Variants in DYNC1I1 observed in about 807,000 individuals in gnomAD.
DYNC1I1 encodes the protein cytoplasmic dynein 1 intermediate chain 1.
In DYNC1I1, 43 loss-of-function variants were observed where a neutral mutation model predicts 86.6. That is an observed-to-expected ratio of 0.50 (90% confidence interval 0.39 to 0.64). The LOEUF (loss-of-function observed/expected upper bound fraction) is 0.64, where lower values mean the gene tolerates loss of function less well. Ranked by LOEUF, DYNC1I1 falls within the 30% of genes least tolerant of loss-of-function variation. DYNC1I1 has a pLI of 0.00. For missense variants in DYNC1I1, 604 were observed against 788.8 expected, an observed-to-expected ratio of 0.77 and a Z score of 2.81; for synonymous variants, 262 against 283.7, an observed-to-expected ratio of 0.92 and a Z score of 0.77.
At chr7:96,080,583 G>A in intron 16 of DYNC1I1, 95 bp downstream of exon 16, 2 of 1,602,402 alleles carry the variant, frequency 1.2e-6, no homozygotes, top group South Asian at 2.2e-5. Context: ...AGGCCACAAG[G>A]ACCCTCTCTA....
At chr7:96,101,434 G>A (rs1162278124), downstream of DYNC1I1, among the ~76,000 whole-genome samples, 1 of 152,124 alleles carries the variant, frequency 6.6e-6, no homozygotes, top group African/African-American at 2.4e-5. Flanking sequence ...CACCAGGAGG[G>A]AGGACACCAC....
chr7:95,847,553 G>C (rs961235311), intron 5 of DYNC1I1, among the ~76,000 whole-genome samples: 5 of 151,974 alleles, frequency 3.3e-5, no homozygotes, highest in African/African-American at 1.2e-4. Flanking sequence ...ATGTTGTCTT[G>C]CAGCTGTCAA....
chr7:95,884,601 A>G (rs1790542140), intron 6 of DYNC1I1, among the ~76,000 whole-genome samples: 1 of 152,092 alleles, frequency 6.6e-6, no homozygotes, highest in Admixed American at 6.5e-5. Flanking sequence ...GAAATGAACT[A>G]CAGGCATGAA....
rs1281003351 is a variant in DYNC1I1, at chr7:96,076,065, G to A, written c.1518G>A (p.Lys506=). The part of the protein sequence containing the change: ...TVKLWTTKHN[K]PLYSFEDNAD... The stretch of plus-strand genomic sequence containing the variant: ...GTCTCTCTGCTTTACAGCACAACAA[G>A]CCGCTCTACTCCTTTGAAGACAATG... The change falls in exon 15 of 17, where the codon AAG becomes AAA. Residue 506 remains lysine (K), a synonymous_variant. Coordinates refer to ENST00000447467, the MANE Select transcript of DYNC1I1 (RefSeq NM_001135556.2). 18 of 1,613,604 alleles carry A rather than the reference G, an allele frequency of 1.1e-5. No homozygotes were observed. The highest frequency in any genetic ancestry group is 6.7e-5 in the East Asian group (3 of 44,862).
chr7:95,830,271 T>C (rs192016762), intron 5 of DYNC1I1, among the ~76,000 whole-genome samples: 12 of 152,264 alleles, frequency 7.9e-5, no homozygotes, highest in Admixed American at 3.3e-4. Context: ...TTTTGACATG[T>C]ATGCACATCC....
intron 6 of DYNC1I1, among the ~76,000 whole-genome samples, chr7:95,899,941 C>T (rs1790992734): frequency 6.6e-6 from 1 of 152,186 alleles, no homozygotes; most frequent in Non-Finnish European, 1.5e-5. Flanking sequence ...GAGCAGCTTG[C>T]AGAAATAGTG....
At chr7:96,074,482 C>A (rs1198981865) in intron 14 of DYNC1I1, among the ~76,000 whole-genome samples, 1 of 138,854 alleles carries the variant, frequency 7.2e-6, no homozygotes, top group Non-Finnish European at 1.5e-5. Flanking sequence ...ACCCGGGAGG[C>A]GGAGCTTGCA....
At position 95,946,126 on chromosome 7, in the gene DYNC1I1, G is replaced by C. The variant is rs368631453; in HGVS notation, c.491-31386G>C. On this transcript the variant is annotated intron_variant, in intron 6 of 16. Transcript: ENST00000447467. ...ATGAGAACACATGGATGCAGGGAGG[G>C]GAACAACACACACTGGGGCCTGTCA... 2.2e-4 allele frequency among the ~76,000 whole-genome samples: 33 copies of C among 151,956 alleles called. 1 individual carries two copies. In the South Asian group the frequency reaches 6.7e-3, roughly 31 times the overall value.
chr7:95,931,257 C>T (rs1791887866), intron 6 of DYNC1I1, among the ~76,000 whole-genome samples: 1 of 151,762 alleles, frequency 6.6e-6, no homozygotes, highest in Non-Finnish European at 1.5e-5. Context: ...TCAAGCAATT[C>T]TGGTGTCTCA....
intron 16 of DYNC1I1, among the ~76,000 whole-genome samples, chr7:96,088,215 T>C (rs571742825): frequency 5.9e-5 from 9 of 152,238 alleles, no homozygotes; most frequent in Non-Finnish European, 1.3e-4. Flanking sequence ...TTTTTCTGAA[T>C]TGAAAAGAAA....
intron 10 of DYNC1I1, among the ~76,000 whole-genome samples, chr7:96,014,516 A>G (rs1431682059): frequency 6.6e-6 from 1 of 152,202 alleles, no homozygotes; most frequent in Admixed American, 6.5e-5. Flanking sequence ...TTCTCTTGCT[A>G]TATTATTTGG....
chr7:95,933,748 T>G (rs564369608), intron 6 of DYNC1I1, among the ~76,000 whole-genome samples: 1 of 152,216 alleles, frequency 6.6e-6, no homozygotes, highest in African/African-American at 2.4e-5. Flanking sequence ...ATGTAAACAC[T>G]TAAAGTGAAT....
chr7:96,056,795 C>G (rs1012504625), intron 14 of DYNC1I1, among the ~76,000 whole-genome samples: 5 of 151,996 alleles, frequency 3.3e-5, no homozygotes, highest in African/African-American at 1.2e-4. Flanking sequence ...CAACAAGCAT[C>G]TGTAGTAAGA....
chr7:95,947,560 G>C (rs2116468581), intron 6 of DYNC1I1, among the ~76,000 whole-genome samples: 1 of 152,194 alleles, frequency 6.6e-6, no homozygotes, highest in South Asian at 2.1e-4. Flanking sequence ...GAGATGCCCA[G>C]GATAGCTCAG....
At chr7:96,080,836 C>T (rs994995973) in intron 16 of DYNC1I1, among the ~76,000 whole-genome samples, 1 of 152,032 alleles carries the variant, frequency 6.6e-6, no homozygotes, top group Admixed American at 6.6e-5. Context: ...TTTTGGGAGG[C>T]CGTGGCAGGT....
intron 6 of DYNC1I1, among the ~76,000 whole-genome samples, chr7:95,879,143 A>G (rs1333267810): frequency 6.6e-6 from 1 of 152,188 alleles, no homozygotes; most frequent in Non-Finnish European, 1.5e-5. Flanking sequence ...TCAAATCTAT[A>G]GGGAAAAACA....
intron 14 of DYNC1I1, among the ~76,000 whole-genome samples, chr7:96,073,877 G>GA (rs969378780): frequency 1.6e-4 from 25 of 152,212 alleles, no homozygotes; most frequent in African/African-American, 6.0e-4. Context: ...TATAAATAAG[G>GA]AAAAATGATA....
chr7:95,909,233 G>C (rs1417891513), intron 6 of DYNC1I1, among the ~76,000 whole-genome samples: 3 of 72,076 alleles, frequency 4.2e-5, no homozygotes, highest in Admixed American at 1.2e-4. Context: ...CTTGGAGGGT[G>C]GGAGGGGGGT....
chr7:95,984,801 AT>A lies in DYNC1I1; in HGVS notation c.581-13del, dbSNP rs745746087. On this transcript the variant is annotated splice_polypyrimidine_tract_variant and intron_variant, in intron 7 of 16. Transcript: ENST00000447467. The stretch of plus-strand genomic sequence containing the variant: ...CCCTAACAATCTCTTTTACAAAAAA[AT>A]AAATAAATAAAGCCCCTCCAAGAGA... 14 of 1,558,116 alleles carry A rather than the reference AT, an allele frequency of 9.0e-6. No homozygotes were observed. The highest frequency in any genetic ancestry group is 2.2e-5 in the Admixed American group (1 of 46,230).
Sources: allele counts gnomAD v4.1 joint callset (sites outside exome capture counted in the v4.1 genomes callset), GRCh38; gene constraint gnomAD v4.1.1; transcripts MANE v1.5; gene names NCBI Gene and HGNC (gene_info 2026-07-23, HGNC 2026-07-21).